The following SYT2 variants were observed in gnomAD, a reference collection of about 807,000 sequenced individuals.
The protein encoded by SYT2 is synaptotagmin 2.
SYT2 carries 15 observed loss-of-function variants against 39.9 expected under a neutral mutation model. The observed-to-expected ratio is 0.38, with a 90% CI of 0.25 to 0.58. SYT2 has a LOEUF of 0.58. Among genes scored for constraint, SYT2 ranks in the 20% least tolerant of loss-of-function variants. The probability of loss-of-function intolerance (pLI) is 0.70; values close to 1 mark genes in which losing one functional copy is unlikely to be tolerated. For missense variants in SYT2, 389 were observed against 530.3 expected, an observed-to-expected ratio of 0.73 and a Z score of 2.62; for synonymous variants, 181 against 204.5, an observed-to-expected ratio of 0.89 and a Z score of 0.98.
At chr1:202,680,387 C>T (rs2149112516) in intron 1 of SYT2, among the ~76,000 whole-genome samples, 1 of 152,234 alleles carries the variant, frequency 6.6e-6, no homozygotes, top group Admixed American at 6.5e-5. Context: ...ATTAAATTTG[C>T]CACTGTTGGC....
In SYT2 at chr1:202,628,275, T is replaced by C. The variant is rs1691474850; in HGVS notation, c.-17-22486A>G. Among the ~76,000 whole-genome samples the C allele has an allele frequency of 6.6e-6, 1 of 152,098 alleles. No individual in the cohort carries two copies. The highest frequency in any genetic ancestry group is 1.5e-5 in the Non-Finnish European group (1 of 68,008). On this transcript the variant is annotated intron_variant, in intron 1 of 8. Transcript: ENST00000367268. The surrounding 1 kb of genome is among the most constrained non-coding windows in gnomAD (Gnocchi z 4.2). ...CTTCCCCAGAGGATGGAAAGAGCTGTACTCCCAGGTAGCAGAGCAGCTCGC... is the reference window on the plus strand; with the variant it reads ...CTTCCCCAGAGGATGGAAAGAGCTGCACTCCCAGGTAGCAGAGCAGCTCGC...
At chr1:202,680,590 G>A (rs1653499779) in intron 1 of SYT2, among the ~76,000 whole-genome samples, 1 of 152,148 alleles carries the variant, frequency 6.6e-6, no homozygotes, top group Non-Finnish European at 1.5e-5. Context: ...GCAAGAAGAT[G>A]GGAAGGGAAT....
In SYT2 at chr1:202,605,715, C is replaced by A. The variant is rs764945265; in HGVS notation, c.58G>T (p.Ala20Ser). The A allele has an allele frequency of 1.2e-6, 2 of 1,613,990 alleles. No individual in the cohort carries two copies. The highest frequency in any genetic ancestry group is 1.7e-6 in the Non-Finnish European group (2 of 1,179,938). The change falls in exon 2 of 9, where the codon GCC (alanine) becomes TCC (serine). Residue 20 changes from alanine to serine, a missense_variant. By Grantham distance (99) the Ala-to-Ser change is moderately conservative. Coordinates refer to ENST00000367268, the MANE Select transcript of SYT2 (RefSeq NM_177402.5). ...EPIVAPATTT[A>S]TMPIGPVDNS... ...TCCACGGGTCCAATGGGCATCGTGG[C>A]GGTGGTGGTGGCAGGAGCCACAATA...
Position 202,601,838 on chromosome 1 carries a change from C to T in SYT2, c.801+52G>A. 1 of 1,567,204 alleles carries T rather than the reference C, an allele frequency of 6.4e-7. No individual in the cohort carries two copies. The highest frequency in any genetic ancestry group is 2.3e-5 in the East Asian group (1 of 44,412). ...TTTCCATCATGCCAAGAGGTGGAAG[C>T]CCACCTGTACATTCGTCTTTCTGCC... On this transcript the variant is annotated intron_variant, in intron 6 of 8. Coordinates refer to ENST00000367268, the MANE Select transcript of SYT2 (RefSeq NM_177402.5). This position sits in a 1 kb window ranked among gnomAD's most constrained non-coding sequence, Gnocchi z 4.0.
rs1052445804 is a variant in SYT2, at chr1:202,592,813, G to C, written c.*3944C>G. On this transcript the variant is annotated 3_prime_UTR_variant, in exon 9 of 9. Transcript: ENST00000367268. ...GAGAGGGGGAAAAGTCATAGGGTAGGGTTCCCAGACACAATGCAGGATGAC... is the reference window on the plus strand; with the variant it reads ...GAGAGGGGGAAAAGTCATAGGGTAGCGTTCCCAGACACAATGCAGGATGAC... 2.0e-5 allele frequency: 3 copies of C among 152,102 alleles called. No individual in the cohort carries two copies. Among genetic ancestry groups the C allele is most frequent in the Non-Finnish European group, 4.4e-5 (3 of 68,010 alleles). The allele number at this position is 152,102 out of a possible 1,614,324, so 9.4% of individuals were successfully genotyped here. A position where few individuals can be genotyped will look rare whatever the true frequency, so the allele number is the denominator to read the frequency against.
At chr1:202,652,182 C>T (rs1692206839) in intron 1 of SYT2, among the ~76,000 whole-genome samples, 1 of 152,194 alleles carries the variant, frequency 6.6e-6, no homozygotes, top group Admixed American at 6.5e-5. Context: ...CCCGAGGAGC[C>T]GTGTGTGCAT....
chr1:202,674,304 A>G (rs1307536799), intron 1 of SYT2, among the ~76,000 whole-genome samples: 5 of 151,978 alleles, frequency 3.3e-5, no homozygotes, highest in Admixed American at 2.0e-4. Context: ...GTTTTGCCAT[A>G]TTGGCCAGGC....
chr1:202,640,233 C>A (rs1025952584), intron 1 of SYT2, among the ~76,000 whole-genome samples: 1 of 150,948 alleles, frequency 6.6e-6, no homozygotes, highest in Non-Finnish European at 1.5e-5. Flanking sequence ...CTCCAACAAA[C>A]CTCCCACCCC....
intron 1 of SYT2, among the ~76,000 whole-genome samples, chr1:202,637,163 AC>A (rs2149094279): frequency 6.6e-6 from 1 of 151,724 alleles, no homozygotes; most frequent in Non-Finnish European, 1.5e-5. Context: ...CTCTACCAAA[AC>A]AACAACAACA....
At chr1:202,646,667 T>C (rs947372033) in intron 1 of SYT2, among the ~76,000 whole-genome samples, 2 of 152,232 alleles carry the variant, frequency 1.3e-5, no homozygotes, top group Non-Finnish European at 2.9e-5. Context: ...AGACTTTTTG[T>C]AAAGATTAAC....
intron 1 of SYT2, among the ~76,000 whole-genome samples, chr1:202,619,068 G>A (rs1024753451): frequency 6.6e-6 from 1 of 152,130 alleles, no homozygotes; most frequent in African/African-American, 2.4e-5. Context: ...AGCCTCCTCC[G>A]CCTCCAGGAC....
In SYT2 at chr1:202,595,494, G is replaced by A. The variant is rs538747357; in HGVS notation, c.*1263C>T. 1 of 152,314 alleles carries A rather than the reference G, an allele frequency of 6.6e-6. No individual in the cohort carries two copies. Among genetic ancestry groups the A allele is most frequent in the South Asian group, 2.1e-4 (1 of 4,826 alleles). The allele number at this position is 152,314 out of a possible 1,614,324, so 9.4% of individuals were successfully genotyped here. ...CAAGGGAGCAAGGAGTGGGAGTCGG[G>A]GGAATTCCAGTGCTCCCCTATATCT... is the stretch of plus-strand genomic sequence containing the variant. On this transcript the variant is annotated 3_prime_UTR_variant, in exon 9 of 9. Transcript: ENST00000367268.
chr1:202,675,780 C>A (rs1216713933), intron 1 of SYT2, among the ~76,000 whole-genome samples: 1 of 152,194 alleles, frequency 6.6e-6, no homozygotes, highest in Non-Finnish European at 1.5e-5. Flanking sequence ...TGAAACAACA[C>A]CTAGAGGACC....
At chr1:202,688,605 C>G (rs1369210079) in intron 1 of SYT2, among the ~76,000 whole-genome samples, 4 of 152,240 alleles carry the variant, frequency 2.6e-5, no homozygotes, top group South Asian at 4.1e-4. Flanking sequence ...AAGCATTACT[C>G]ATCCATCACC....
In SYT2 at chr1:202,628,096, G is replaced by A. The variant is rs141966328; in HGVS notation, c.-17-22307C>T. ...GGCACCGGGCTCAGAGGTGGGTGCCGGGGGCAGGGAGGGAGACCTCCACTG... is the reference window on the plus strand; with the variant it reads ...GGCACCGGGCTCAGAGGTGGGTGCCAGGGGCAGGGAGGGAGACCTCCACTG... On this transcript the variant is annotated intron_variant, in intron 1 of 8. Transcript: ENST00000367268. The surrounding 1 kb of genome is among the most constrained non-coding windows in gnomAD (Gnocchi z 4.2). 5.4e-3 allele frequency among the ~76,000 whole-genome samples: 822 copies of A among 152,308 alleles called. 6 individuals are homozygous for A. Among genetic ancestry groups the A allele is most frequent in the African/African-American group, 0.019 (773 of 41,570 alleles).
chr1:202,665,856 C>A (rs1454894121), intron 1 of SYT2, among the ~76,000 whole-genome samples: 1 of 152,092 alleles, frequency 6.6e-6, no homozygotes, highest in African/African-American at 2.4e-5. Context: ...AAATTTATTT[C>A]TTTAAAAAGC....
At chr1:202,678,654 A>G (rs962543850) in intron 1 of SYT2, among the ~76,000 whole-genome samples, 21 of 152,036 alleles carry the variant, frequency 1.4e-4, no homozygotes, top group Non-Finnish European at 2.8e-4. Flanking sequence ...TTACAAGGTC[A>G]GTCCCTTCAC....
intron 1 of SYT2, among the ~76,000 whole-genome samples, chr1:202,670,011 C>A (rs989231670): frequency 2.0e-5 from 3 of 152,158 alleles, no homozygotes; most frequent in African/African-American, 7.2e-5. Context: ...CACCCACACC[C>A]CAACATTCAT....
intron 4 of SYT2, 63 bp downstream of exon 4, chr1:202,602,936 C>CA: frequency 6.3e-7 from 1 of 1,585,454 alleles, no homozygotes; most frequent in Non-Finnish European, 8.6e-7. Flanking sequence ...TTCTATCCCC[C>CA]TTCCACCCAA....
Sources: gnomAD v4.1 joint callset for allele counts (sites outside exome capture counted in the v4.1 genomes callset) on GRCh38, gnomAD v4.1.1 for gene constraint, Gnocchi (gnomAD v3.1) non-coding constraint, MANE v1.5 for transcripts, NCBI Gene and HGNC (gene_info 2026-07-23, HGNC 2026-07-21) for gene names.